The following DOK6 variants were observed in gnomAD, a reference collection of about 807,000 sequenced individuals.
DOK6 encodes the protein downstream of tyrosine kinase 6.
DOK6 carries 22 observed loss-of-function variants against 44.0 expected under a neutral mutation model. The ratio of observed to expected loss-of-function variants is 0.50; its 90% CI spans 0.36 to 0.71. The LOEUF (loss-of-function observed/expected upper bound fraction) is 0.71. DOK6 is among the 30% of genes least tolerant of loss of function. The pLI is 0.00. For missense variants in DOK6, 340 were observed against 416.4 expected (o/e 0.82, Z 1.60); for synonymous variants, 166 against 145.5 (o/e 1.14, Z -1.01).
chr18:69,442,954 A>G (rs1352676309), intron 1 of DOK6, among the ~76,000 whole-genome samples: 1 of 152,192 alleles, frequency 6.6e-6, no homozygotes, highest in Admixed American at 6.5e-5. Flanking sequence ...TGCTCAATAA[A>G]TGCTTGTTTA....
At chr18:69,673,492 A>C (rs563201582) in intron 3 of DOK6, among the ~76,000 whole-genome samples, 1 of 152,342 alleles carries the variant, frequency 6.6e-6, no homozygotes, top group South Asian at 2.1e-4. Flanking sequence ...TTTCCCCAGA[A>C]TTCTGTGGAG....
chr18:69,777,597 T>G (rs901170935), intron 7 of DOK6, among the ~76,000 whole-genome samples: 3 of 152,138 alleles, frequency 2.0e-5, no homozygotes, highest in South Asian at 4.1e-4. Context: ...TTAACAGACC[T>G]ATCACAAAGG....
At chr18:69,836,260 C>T (rs1313574760) in intron 7 of DOK6, among the ~76,000 whole-genome samples, 4 of 151,842 alleles carry the variant, frequency 2.6e-5, no homozygotes, top group African/African-American at 4.8e-5. Flanking sequence ...AGTGGTTTTG[C>T]TTTTATTGTG....
In DOK6 at chr18:69,534,826, A is replaced by G. The variant is rs546535108; in HGVS notation, c.67-29661A>G. ...TCCTCATTCTTCTTTAGCATCTGCT[A>G]TGATCATCTTGGATAAATTATATAA... On this transcript the variant is annotated intron_variant, in intron 1 of 7. Transcript: ENST00000382713. 3.9e-5 allele frequency among the ~76,000 whole-genome samples: 6 copies of G among 152,294 alleles called. No individual in the cohort carries two copies. In the South Asian group the frequency reaches 8.3e-4, roughly 21 times the overall value.
intron 3 of DOK6, among the ~76,000 whole-genome samples, chr18:69,603,347 G>C (rs753683332): frequency 1.3e-5 from 2 of 152,028 alleles, no homozygotes; most frequent in Non-Finnish European, 2.9e-5. Flanking sequence ...CAATTCAGCC[G>C]GCCTACCTTA....
chr18:69,835,720 G>C (rs781634043), intron 7 of DOK6, among the ~76,000 whole-genome samples: 1 of 152,052 alleles, frequency 6.6e-6, no homozygotes, highest in African/African-American at 2.4e-5. Context: ...CTTTGACTCT[G>C]GGCTGCTTGT....
At chr18:69,769,860 A>G (rs952772145) in intron 7 of DOK6, among the ~76,000 whole-genome samples, 1 of 152,128 alleles carries the variant, frequency 6.6e-6, no homozygotes, top group Non-Finnish European at 1.5e-5. Flanking sequence ...CAGCCATTCA[A>G]TGTTCATTTA....
chr18:69,538,581 C>T (rs1459355727), intron 1 of DOK6, among the ~76,000 whole-genome samples: 2 of 152,230 alleles, frequency 1.3e-5, no homozygotes, highest in Non-Finnish European at 2.9e-5. Flanking sequence ...AGGAGTCTCA[C>T]TATATTGCCC....
chr18:69,460,107 T>C (rs1216007402), intron 1 of DOK6, among the ~76,000 whole-genome samples: 1 of 152,164 alleles, frequency 6.6e-6, no homozygotes, highest in Non-Finnish European at 1.5e-5. Flanking sequence ...TTTAAGCACT[T>C]CTGTACTTTC....
chr18:69,663,199 T>A (rs1015290395), intron 3 of DOK6: 1 of 152,182 alleles, frequency 6.6e-6, no homozygotes, highest in Non-Finnish European at 1.5e-5. Context: ...TTGAAGCAAT[T>A]TTCCAGGCAC....
At chr18:69,834,841 G>T (rs1254272650) in intron 7 of DOK6, among the ~76,000 whole-genome samples, 1 of 152,156 alleles carries the variant, frequency 6.6e-6, no homozygotes, top group East Asian at 1.9e-4. Context: ...ACATACCCAA[G>T]ACTGGGTAAG....
chr18:69,734,388 A>C, intron 5 of DOK6, among the ~76,000 whole-genome samples: 1 of 106,892 alleles, frequency 9.4e-6, no homozygotes, highest in South Asian at 4.4e-4. Context: ...ATCTTTTCAT[A>C]GCAGCAAAAA....
intron 1 of DOK6, among the ~76,000 whole-genome samples, chr18:69,544,094 TAA>T (rs34430095): frequency 1.5e-4 from 22 of 142,148 alleles, no homozygotes; most frequent in Non-Finnish European, 1.4e-4. Flanking sequence ...CTGTCTCTAC[TAA>T]AAAAAAAAAA....
At chr18:69,717,661 G>A (rs2144720785) in intron 5 of DOK6, among the ~76,000 whole-genome samples, 1 of 152,324 alleles carries the variant, frequency 6.6e-6, no homozygotes, top group East Asian at 1.9e-4. Flanking sequence ...GCCAAAGTAA[G>A]CAGGTTAGGA....
intron 1 of DOK6, among the ~76,000 whole-genome samples, chr18:69,406,613 T>C (rs1427466930): frequency 6.6e-6 from 1 of 152,208 alleles, no homozygotes; most frequent in Non-Finnish European, 1.5e-5. Flanking sequence ...AAGATAATAC[T>C]CAGTACTTAA....
At chr18:69,722,220 G>A (rs750484628) in intron 5 of DOK6, among the ~76,000 whole-genome samples, 56 of 152,152 alleles carry the variant, frequency 3.7e-4, no homozygotes, top group Admixed American at 1.2e-3. Context: ...AATACTATTC[G>A]CATTTACACC....
intron 2 of DOK6, among the ~76,000 whole-genome samples, chr18:69,565,513 GTGTGTGTGTATA>G (rs773930257): frequency 3.3e-3 from 202 of 61,336 alleles, no homozygotes; most frequent in African/African-American, 0.017. Context: ...GTGTGTGTGT[GTGTGTGTGTATA>G]TATATATACA....
rs747003456 is a variant in DOK6, at chr18:69,845,392, C to T, written c.*4009C>T. On this transcript the variant is annotated 3_prime_UTR_variant, in exon 8 of 8. Transcript: ENST00000382713. Reference sequence around the variant, plus strand: ...GTAAATACCTTGCAATTTCAAATTACTTCATCCGTCATTAACTATATGATC... The same window carrying T: ...GTAAATACCTTGCAATTTCAAATTATTTCATCCGTCATTAACTATATGATC... The T allele has an allele frequency of 2.6e-5, 4 of 152,202 alleles. No individual in the cohort carries two copies. The highest frequency in any genetic ancestry group is 4.8e-5 in the African/African-American group (2 of 41,448). 9.4% of individuals were successfully genotyped at this position (152,202 alleles called of 1,614,324 possible).
At chr18:69,767,836 G>C (rs1979765914) in intron 7 of DOK6, among the ~76,000 whole-genome samples, 1 of 152,084 alleles carries the variant, frequency 6.6e-6, no homozygotes, top group South Asian at 2.1e-4. Context: ...AATCCGAAGA[G>C]GACTCACAGT....
Sources: gnomAD v4.1 joint callset for allele counts (sites outside exome capture counted in the v4.1 genomes callset) on GRCh38, gnomAD v4.1.1 for gene constraint, MANE v1.5 for transcripts, NCBI Gene and HGNC (gene_info 2026-07-23, HGNC 2026-07-21) for gene names.